The following SLC22A15 variants were observed in gnomAD, a reference collection of about 807,000 sequenced individuals.
The protein encoded by SLC22A15 is solute carrier family 22 member 15, also known as flipt 1.
A neutral mutation model predicts 62.7 loss-of-function variants in SLC22A15; 45 were observed. The observed-to-expected ratio is 0.72, with a 90% CI of 0.56 to 0.92. The LOEUF (loss-of-function observed/expected upper bound fraction) is 0.92. Among genes scored for constraint, SLC22A15 ranks in the 40% least tolerant of loss-of-function variants. SLC22A15 has a pLI of 0.00. For synonymous variants in SLC22A15, 264 were observed against 267.0 expected (o/e 0.99, Z 0.11); for missense variants, 622 against 665.6 (o/e 0.93, Z 0.72).
Position 116,010,904 on chromosome 1 carries a change from G to A in SLC22A15, c.301-8678G>A, listed in dbSNP as rs148275748. ...CAAAGCATGACCTCCAGCAACAAGA[G>A]GCTCGATCAATAGGCACGGGCCCAG... On this transcript the variant is annotated intron_variant, in intron 2 of 11. Coordinates refer to ENST00000369503, the MANE Select transcript of SLC22A15 (RefSeq NM_018420.3). Among the ~76,000 whole-genome samples, 581 of 152,326 alleles carry A rather than the reference G, an allele frequency of 3.8e-3. 2 individuals carry two copies. Among genetic ancestry groups the A allele is most frequent in the Non-Finnish European group, 5.3e-3 (361 of 68,032 alleles).
chr1:115,993,424 T>TGAGA (rs768827877), intron 2 of SLC22A15, among the ~76,000 whole-genome samples: 275 of 131,906 alleles, frequency 2.1e-3, no homozygotes, highest in African/African-American at 7.0e-3. Flanking sequence ...TGTGAGTGTG[T>TGAGA]GAGAGTGTGT....
In SLC22A15 at chr1:116,058,008, G is replaced by A. The variant is rs1420556489; in HGVS notation, c.1172-4754G>A. Reference sequence around the variant, plus strand: ...ACCAACATGGCACATGTATACATATGTAACTAACCTGCACATTGTGCACAT... The same window carrying A: ...ACCAACATGGCACATGTATACATATATAACTAACCTGCACATTGTGCACAT... On this transcript the variant is annotated intron_variant, in intron 8 of 11. Transcript: ENST00000369503. Among the ~76,000 whole-genome samples the A allele has an allele frequency of 2.0e-5, 3 of 151,302 alleles. No individual in the cohort carries two copies. In the East Asian group the frequency reaches 5.8e-4, roughly 29 times the overall value.
intron 8 of SLC22A15, among the ~76,000 whole-genome samples, chr1:116,046,216 A>G (rs1422709001): frequency 6.6e-6 from 1 of 152,200 alleles, no homozygotes; most frequent in Non-Finnish European, 1.5e-5. Flanking sequence ...CTTAACTAGG[A>G]CACCAAAAGC....
At chr1:115,985,512 C>T (rs184406107) in intron 1 of SLC22A15, among the ~76,000 whole-genome samples, 2 of 152,170 alleles carry the variant, frequency 1.3e-5, no homozygotes, top group Admixed American at 1.3e-4. Flanking sequence ...GAAAAGACTA[C>T]TTTTTATCCA....
chr1:116,050,238 A>G (rs1284168150), intron 8 of SLC22A15, among the ~76,000 whole-genome samples: 5 of 152,186 alleles, frequency 3.3e-5, no homozygotes. Flanking sequence ...TCCCTAACTC[A>G]TTCTATGAAG....
At chr1:115,996,522 T>A (rs1428847708) in intron 2 of SLC22A15, among the ~76,000 whole-genome samples, 2 of 152,086 alleles carry the variant, frequency 1.3e-5, no homozygotes, top group African/African-American at 4.8e-5. Context: ...ACCCTGAACA[T>A]GTTTTTAGAT....
chr1:116,028,313 A>G (rs1444594148), intron 5 of SLC22A15, among the ~76,000 whole-genome samples: 1 of 152,114 alleles, frequency 6.6e-6, no homozygotes, highest in Admixed American at 6.5e-5. Context: ...TGATTTTATT[A>G]ACTTGTATAT....
At chr1:115,988,935 G>T (rs1413063241) in intron 1 of SLC22A15, among the ~76,000 whole-genome samples, 1 of 152,104 alleles carries the variant, frequency 6.6e-6, no homozygotes, top group East Asian at 1.9e-4. Context: ...TATCATTACT[G>T]CTTGCCTCTT....
At chr1:116,052,730 A>T (rs1570769873) in intron 8 of SLC22A15, among the ~76,000 whole-genome samples, 1 of 152,328 alleles carries the variant, frequency 6.6e-6, no homozygotes, top group East Asian at 1.9e-4. Flanking sequence ...ATGATCAGAC[A>T]GCAGCATTCG....
chr1:116,058,326 C>G (rs1570774153), intron 8 of SLC22A15, among the ~76,000 whole-genome samples: 1 of 151,974 alleles, frequency 6.6e-6, no homozygotes, highest in Non-Finnish European at 1.5e-5. Context: ...AGACAATTCT[C>G]AAAAGAAGAT....
intron 2 of SLC22A15, among the ~76,000 whole-genome samples, chr1:115,992,480 A>G (rs1009440478): frequency 1.3e-5 from 2 of 152,214 alleles, no homozygotes; most frequent in Non-Finnish European, 2.9e-5. Context: ...GAAAAGATAC[A>G]AACTCCAAAA....
At chr1:115,991,981 A>G in intron 1 of SLC22A15, 50 bp from the exon 2 acceptor site, 1 of 1,536,358 alleles carries the variant, frequency 6.5e-7, no homozygotes, top group Non-Finnish European at 9.0e-7. Flanking sequence ...TGTCTTCAAC[A>G]TTGATGGCAA....
chr1:116,042,110 AAC>A (rs1367279439), intron 8 of SLC22A15, among the ~76,000 whole-genome samples: 1 of 151,878 alleles, frequency 6.6e-6, no homozygotes, highest in Non-Finnish European at 1.5e-5. Context: ...AAAAAAAAAA[AAC>A]ATTGAGTGTG....
intron 2 of SLC22A15, chr1:116,015,233 C>T (rs752926298): frequency 3.3e-5 from 5 of 152,288 alleles, no homozygotes; most frequent in South Asian, 2.1e-4. Flanking sequence ...TCAGGGAGAT[C>T]TGGGTTCCAG....
intron 8 of SLC22A15, among the ~76,000 whole-genome samples, chr1:116,047,807 C>T (rs80106151): frequency 0.013 from 1,921 of 152,126 alleles, 48 homozygotes; most frequent in African/African-American, 0.042. Context: ...AAAGGCAAAG[C>T]CCAATGCAAG....
chr1:116,004,019 A>C (rs1169873402), intron 2 of SLC22A15, among the ~76,000 whole-genome samples: 1 of 152,206 alleles, frequency 6.6e-6, no homozygotes, highest in Non-Finnish European at 1.5e-5. Flanking sequence ...CTGCATCCAG[A>C]CAGTGAAAGG....
At chr1:116,044,615 A>G (rs749861941) in intron 8 of SLC22A15, among the ~76,000 whole-genome samples, 1 of 152,226 alleles carries the variant, frequency 6.6e-6, no homozygotes, top group Non-Finnish European at 1.5e-5. Context: ...TCACCAGACT[A>G]CATTATGATC....
chr1:116,019,540 A>G (rs1380829291), intron 2 of SLC22A15, 42 bp from the exon 3 acceptor site: 1 of 1,550,164 alleles, frequency 6.5e-7, no homozygotes, highest in Non-Finnish European at 8.7e-7. Flanking sequence ...TTAATAGCTA[A>G]CTGAATCCTA....
At chr1:116,063,912 G>A (rs372329535) in intron 9 of SLC22A15, among the ~76,000 whole-genome samples, 12 of 152,066 alleles carry the variant, frequency 7.9e-5, no homozygotes, top group Middle Eastern at 3.4e-3. Flanking sequence ...GACAGTACAC[G>A]CTTAGTCAAT....
Sources: gnomAD v4.1 joint callset for allele counts (sites outside exome capture counted in the v4.1 genomes callset) on GRCh38, gnomAD v4.1.1 for gene constraint, MANE v1.5 for transcripts, NCBI Gene and HGNC (gene_info 2026-07-23, HGNC 2026-07-21) for gene names.